Variants in APBB2 observed in about 807,000 individuals in gnomAD.
APBB2 encodes Fe65-like 1.
In APBB2, 38 loss-of-function variants were observed where a neutral mutation model predicts 82.5. The ratio of observed to expected loss-of-function variants is 0.46; its 90% CI spans 0.36 to 0.60. The LOEUF is 0.60. Ranked by LOEUF, APBB2 falls within the 20% of genes least tolerant of loss-of-function variation. The pLI is 0.00. For synonymous variants in APBB2, 341 were observed against 368.2 expected, an observed-to-expected ratio of 0.93 and a Z score of 0.85; for missense variants, 772 against 972.3, an observed-to-expected ratio of 0.79 and a Z score of 2.74.
chr4:40,978,926 A>T (rs538797512), intron 6 of APBB2, among the ~76,000 whole-genome samples: 1 of 151,054 alleles, frequency 6.6e-6, no homozygotes, highest in African/African-American at 2.4e-5. Context: ...GGAACTCATG[A>T]TTTTTTTTTT....
chr4:40,816,045 A>G lies in APBB2; in HGVS notation c.*47T>C, dbSNP rs756422353. 2 of 1,594,260 alleles carry G rather than the reference A, an allele frequency of 1.3e-6. No individual in the cohort carries two copies. The highest frequency in any genetic ancestry group is 3.4e-5 in the Admixed American group (2 of 58,754). ...TGGCGGAGTTCATTTTCTTTAGTGT[A>G]GCTAGTCAATCTTCAGGTAAATAGC... On this transcript the variant is annotated 3_prime_UTR_variant, in exon 18 of 18. Transcript: ENST00000508593.
At position 40,826,979 on chromosome 4, in the gene APBB2, C is replaced by G. The variant is rs1363067757; in HGVS notation, c.1732+153G>C. 5 of 661,712 alleles carry G rather than the reference C, an allele frequency of 7.6e-6. No individual in the cohort carries two copies. In the Admixed American group the frequency reaches 1.3e-4, roughly 18 times the overall value. 41.0% of individuals were successfully genotyped at this position (661,712 alleles called of 1,614,324 possible). On this transcript the variant is annotated intron_variant, in intron 14 of 17. Coordinates refer to ENST00000508593, the MANE Select transcript of APBB2 (RefSeq NM_004307.2). This position sits in a 1 kb window ranked among gnomAD's most constrained non-coding sequence, Gnocchi z 4.5. The stretch of plus-strand genomic sequence containing the variant: ...GTGATGCAAAATCAACTCTGTGCCT[C>G]TGTGAGACCCAGCGTGCAGGCTCAA...
At chr4:41,132,785 C>G (rs988616531) in intron 2 of APBB2, among the ~76,000 whole-genome samples, 7 of 151,964 alleles carry the variant, frequency 4.6e-5, no homozygotes, top group African/African-American at 1.7e-4. Context: ...CTCTGAACTC[C>G]CAGAGGACAA....
Position 40,827,539 on chromosome 4 carries a change from T to A in APBB2, c.1645-320A>T, listed in dbSNP as rs113055130. Among the ~76,000 whole-genome samples the A allele has an allele frequency of 1.4e-3, 214 of 152,326 alleles. 3 individuals are homozygous for A. The East Asian group carries it at 0.02, about 14-fold the overall frequency. On this transcript the variant is annotated intron_variant, in intron 13 of 17. Coordinates refer to ENST00000508593, the MANE Select transcript of APBB2 (RefSeq NM_004307.2). ...AGTCTCCCTGGTCTTGCATGGACCC[T>A]GCCGGCCCACAGTGGCCAGCGGCAG... is the stretch of plus-strand genomic sequence containing the variant.
At chr4:41,208,235 G>A (rs1168489420) in intron 1 of APBB2, among the ~76,000 whole-genome samples, 2 of 152,008 alleles carry the variant, frequency 1.3e-5, no homozygotes, top group Admixed American at 6.6e-5. Context: ...TTAAACACAC[G>A]TTTTTCCTTC....
In APBB2 at chr4:41,023,922, T is replaced by C. The variant is rs73248223; in HGVS notation, c.19+9314A>G. Among the ~76,000 whole-genome samples the C allele has an allele frequency of 3.1e-3, 475 of 152,284 alleles. 2 individuals are homozygous for C. The highest frequency in any genetic ancestry group is 4.5e-3 in the Non-Finnish European group (309 of 68,024). Reference sequence around the variant, plus strand: ...AGCTGGAAGCCTCATGTTACCCAACTTCAAATTATACTACAGGGCTTCAGT... The same window carrying C: ...AGCTGGAAGCCTCATGTTACCCAACCTCAAATTATACTACAGGGCTTCAGT... On this transcript the variant is annotated intron_variant, in intron 5 of 17. Transcript: ENST00000508593.
intron 3 of APBB2, among the ~76,000 whole-genome samples, chr4:41,073,887 T>C (rs1734715965): frequency 6.6e-6 from 1 of 152,156 alleles, no homozygotes; most frequent in Non-Finnish European, 1.5e-5. Flanking sequence ...GCTAAAGTAG[T>C]AGGATCACTT....
rs192041975 is a variant in APBB2, at chr4:41,059,904, C to T, written c.-51+5672G>A. 2.4e-4 allele frequency among the ~76,000 whole-genome samples: 36 copies of T among 151,672 alleles called. No homozygotes were observed. In the East Asian group the frequency reaches 3.9e-3, roughly 16 times the overall value. On this transcript the variant is annotated intron_variant, in intron 4 of 17. Coordinates refer to ENST00000508593, the MANE Select transcript of APBB2 (RefSeq NM_004307.2). ...TCCCCGACCAAGCTGGTCTCCGCAC[C>T]GGGAGGCAGAGGTTGCAGTGAGTCA...
At chr4:41,136,509 G>T (rs551668545) in intron 2 of APBB2, among the ~76,000 whole-genome samples, 9 of 152,258 alleles carry the variant, frequency 5.9e-5, no homozygotes, top group African/African-American at 2.2e-4. Context: ...GACTTCCCAG[G>T]AAAGTAAAAG....
intron 12 of APBB2, among the ~76,000 whole-genome samples, chr4:40,884,946 T>G (rs887879057): frequency 6.6e-6 from 1 of 152,138 alleles, no homozygotes; most frequent in African/African-American, 2.4e-5. Flanking sequence ...ATTTGGAAAT[T>G]TATGAATAAT....
chr4:41,042,448 C>T (rs950767857), intron 4 of APBB2, among the ~76,000 whole-genome samples: 4 of 152,186 alleles, frequency 2.6e-5, no homozygotes, highest in African/African-American at 4.8e-5. Context: ...GCATCCTTGC[C>T]CTCTACTCCG....
intron 2 of APBB2, among the ~76,000 whole-genome samples, chr4:41,103,035 GT>G (rs1280823193): frequency 1.3e-5 from 2 of 152,132 alleles, no homozygotes; most frequent in African/African-American, 2.4e-5. Flanking sequence ...AATAACTAGT[GT>G]TTATAAAAGA....
chr4:41,076,545 G>A (rs1265836712), intron 3 of APBB2, among the ~76,000 whole-genome samples: 1 of 152,160 alleles, frequency 6.6e-6, no homozygotes, highest in East Asian at 1.9e-4. Context: ...ATTGGTACTG[G>A]AGACTTTTCT....
chr4:40,832,955 G>C lies in APBB2; in HGVS notation c.1530-2378C>G, dbSNP rs993505538. Among the ~76,000 whole-genome samples, 1 of 152,100 alleles carries C rather than the reference G, an allele frequency of 6.6e-6. No individual in the cohort carries two copies. The highest frequency in any genetic ancestry group is 1.9e-4 in the East Asian group (1 of 5,180). On this transcript the variant is annotated intron_variant, in intron 12 of 17. Transcript: ENST00000508593. The surrounding 1 kb of genome is among the most constrained non-coding windows in gnomAD (Gnocchi z 4.8). Reference sequence around the variant, plus strand: ...CTGAATGGGTTCCACGACTGGGCTCGGGGGTGGGTTGGGGCAAGTCACTGG... The same window carrying C: ...CTGAATGGGTTCCACGACTGGGCTCCGGGGTGGGTTGGGGCAAGTCACTGG...
At chr4:40,895,529 T>A (rs1462141622) in intron 10 of APBB2, among the ~76,000 whole-genome samples, 3 of 152,172 alleles carry the variant, frequency 2.0e-5, no homozygotes, top group Admixed American at 6.5e-5. Context: ...CTCTGCTCCC[T>A]CAGTCTCAGA....
intron 12 of APBB2, among the ~76,000 whole-genome samples, chr4:40,838,352 T>C (rs1376484419): frequency 1.4e-5 from 2 of 146,922 alleles, no homozygotes; most frequent in East Asian, 4.0e-4. Flanking sequence ...TTTTTTTTTT[T>C]TGAGACGGAG....
chr4:41,206,701 G>A (rs1229211660), intron 1 of APBB2, among the ~76,000 whole-genome samples: 8 of 152,098 alleles, frequency 5.3e-5, no homozygotes, highest in Admixed American at 5.2e-4. Flanking sequence ...AAATTTTAAC[G>A]GTATTAGTTC....
At chr4:41,086,547 G>C (rs530789238) in intron 3 of APBB2, among the ~76,000 whole-genome samples, 36 of 152,178 alleles carry the variant, frequency 2.4e-4, no homozygotes, top group African/African-American at 8.2e-4. Context: ...CATGTTAACA[G>C]AACAAAGAGG....
At chr4:41,063,761 C>A (rs916260879) in intron 4 of APBB2, among the ~76,000 whole-genome samples, 1 of 152,130 alleles carries the variant, frequency 6.6e-6, no homozygotes, top group Non-Finnish European at 1.5e-5. Context: ...TCACTGCAAC[C>A]TGTACCTCCT....
Sources: gnomAD v4.1 joint callset for allele counts (sites outside exome capture counted in the v4.1 genomes callset) on GRCh38, gnomAD v4.1.1 for gene constraint, Gnocchi (gnomAD v3.1) non-coding constraint, MANE v1.5 for transcripts, NCBI Gene and HGNC (gene_info 2026-07-23, HGNC 2026-07-21) for gene names.